Variants in SLC9D1 observed in about 807,000 individuals in gnomAD.
The protein encoded by SLC9D1 is putative LAG1-interacting protein.
the SLC9D1 span, chr13:113,534,575 G>A: frequency 2.7e-5 from 9 of 339,430 alleles, no homozygotes; most frequent in Non-Finnish European, 4.8e-5. Context: ...AATCACTTGA[G>A]CTCAGAAGTT....
the SLC9D1 span, among the ~76,000 whole-genome samples, chr13:113,492,852 C>A: frequency 1.3e-5 from 2 of 152,090 alleles, no homozygotes; most frequent in African/African-American, 4.8e-5. Flanking sequence ...GAGCTGAGAT[C>A]ACAACACTGC....
the SLC9D1 span, among the ~76,000 whole-genome samples, chr13:113,521,074 G>C: frequency 6.6e-6 from 1 of 152,144 alleles, no homozygotes; most frequent in African/African-American, 2.4e-5. Context: ...TGGAGGGAGG[G>C]GGGTGTCTGT....
the SLC9D1 span, among the ~76,000 whole-genome samples, chr13:113,518,906 C>G: frequency 6.6e-6 from 1 of 152,172 alleles, no homozygotes; most frequent in Non-Finnish European, 1.5e-5. Context: ...GTCAATCAAG[C>G]CTTCTAAAAC....
chr13:113,513,714 A>G, the SLC9D1 span, among the ~76,000 whole-genome samples: 1 of 152,242 alleles, frequency 6.6e-6, no homozygotes, highest in Middle Eastern at 3.2e-3. Context: ...CAGAGTTCAT[A>G]AAAAGACTCC....
At chr13:113,527,925 C>T in the SLC9D1 span, 1 of 152,214 alleles carries the variant, frequency 6.6e-6, no homozygotes, top group Non-Finnish European at 1.5e-5. Context: ...CTCTCGTCTC[C>T]ACTCTGCCAC....
chr13:113,500,158 T>G, the SLC9D1 span: 1 of 1,414,772 alleles, frequency 7.1e-7, no homozygotes, highest in Non-Finnish European at 9.3e-7. Context: ...AGGTAGTGAG[T>G]CATGGTGGGG....
At chr13:113,494,945 G>A in the SLC9D1 span, among the ~76,000 whole-genome samples, 1 of 152,028 alleles carries the variant, frequency 6.6e-6, no homozygotes, top group Non-Finnish European at 1.5e-5. Flanking sequence ...GTACAATGGC[G>A]TGATCTGGGC....
chr13:113,537,879 C>A, the SLC9D1 span, among the ~76,000 whole-genome samples: 13 of 149,686 alleles, frequency 8.7e-5, no homozygotes, highest in Non-Finnish European at 1.3e-4. Context: ...CTGTCAAAAA[C>A]CAAGTAGCCG....
the SLC9D1 span, among the ~76,000 whole-genome samples, chr13:113,538,911 A>G: frequency 6.6e-6 from 1 of 152,096 alleles, no homozygotes; most frequent in Admixed American, 6.5e-5. Flanking sequence ...GGACACGCCG[A>G]TGCTTCTCGC....
the SLC9D1 span, among the ~76,000 whole-genome samples, chr13:113,492,551 T>A: frequency 1.3e-5 from 2 of 152,236 alleles, no homozygotes; most frequent in Non-Finnish European, 2.9e-5. Flanking sequence ...AATTGAGATT[T>A]TTTTTCACTC....
chr13:113,531,738 CGGCAAGCCGGA>C, the SLC9D1 span, among the ~76,000 whole-genome samples: 3 of 152,232 alleles, frequency 2.0e-5, no homozygotes, highest in African/African-American at 7.2e-5. Flanking sequence ...GGTGGCACGG[CGGCAAGCCGGA>C]ATCCTGAGAA....
chr13:113,544,577 C>T, the SLC9D1 span, among the ~76,000 whole-genome samples: 1 of 152,236 alleles, frequency 6.6e-6, no homozygotes, highest in African/African-American at 2.4e-5. Flanking sequence ...TTAGCTCGGG[C>T]CATCAACAAA....
chr13:113,540,199 G>A, the SLC9D1 span, among the ~76,000 whole-genome samples: 6 of 152,288 alleles, frequency 3.9e-5, no homozygotes, highest in East Asian at 1.9e-4. Flanking sequence ...GGTGATGAAC[G>A]TGTGAGTGCG....
At chr13:113,498,211 C>G in the SLC9D1 span, 199 of 662,266 alleles carry the variant, frequency 3.0e-4, 2 homozygotes, top group South Asian at 5.3e-3. Flanking sequence ...ACGTGACTTC[C>G]CTAGCTGACC....
At chr13:113,529,965 A>C in the SLC9D1 span, 1 of 152,242 alleles carries the variant, frequency 6.6e-6, no homozygotes, top group East Asian at 1.9e-4. Flanking sequence ...AAAAAGTATT[A>C]AGAACTCAAA....
the SLC9D1 span, among the ~76,000 whole-genome samples, chr13:113,523,734 TCTTTTCTACTGTAAGC>T: frequency 2.6e-5 from 4 of 152,236 alleles, no homozygotes; most frequent in East Asian, 5.8e-4. Flanking sequence ...AAACTTCTCA[TCTTTTCTACTGTAAGC>T]ATTTACTGCT....
At chr13:113,533,528 C>T in the SLC9D1 span, among the ~76,000 whole-genome samples, 1 of 152,174 alleles carries the variant, frequency 6.6e-6, no homozygotes, top group African/African-American at 2.4e-5. Context: ...AGATGGTGAT[C>T]TATTCTGAGA....
the SLC9D1 span, chr13:113,520,732 A>T: frequency 1.2e-6 from 2 of 1,601,332 alleles, no homozygotes; most frequent in Non-Finnish European, 1.7e-6. Flanking sequence ...TGCATCTTCT[A>T]GGTAAACGCT....
At chr13:113,545,683 G>A in the SLC9D1 span, 7 of 151,980 alleles carry the variant, frequency 4.6e-5, no homozygotes, top group East Asian at 1.4e-3. Flanking sequence ...CAGGGGTGGA[G>A]TGAGCCATGT....
Sources: allele counts gnomAD v4.1 joint callset (sites outside exome capture counted in the v4.1 genomes callset), GRCh38; gene constraint gnomAD v4.1.1; transcripts MANE v1.5; gene names NCBI Gene and HGNC (gene_info 2026-07-23, HGNC 2026-07-21).